Variants in TTC12 observed in about 807,000 individuals in gnomAD.
TTC12 encodes the protein tetratricopeptide repeat domain 12.
Under a neutral mutation model 90.1 loss-of-function variants are expected in TTC12, and 70 were observed. That is an observed-to-expected ratio of 0.78 (90% CI 0.64 to 0.95). TTC12 has a LOEUF of 0.95. Ranked by LOEUF, TTC12 falls within the 40% of genes least tolerant of loss-of-function variation. The pLI is 0.00. For missense variants in TTC12, 819 were observed against 846.1 expected (o/e 0.97, Z 0.40); for synonymous variants, 296 against 311.5 (o/e 0.95, Z 0.53).
Position 113,365,046 on chromosome 11 carries a change from C to A in TTC12, c.2028C>A (p.Cys676Ter). ...CAGGCATTGCTCTGGGGAAGCTGTG[C>A]ACAGCTGAGCCCAGGTATGCTGTGG... ...VNAGIALGKL[C>*]TAEPRFAAQL... is the part of the protein sequence containing the mutation. The change falls in exon 21 of 22, where the codon TGC becomes TGA. Residue 676 changes from cysteine (C) to a stop codon, truncating the protein, a stop_gained. Transcript: ENST00000529221. LOFTEE classifies it high-confidence loss of function. 6.2e-7 allele frequency: 1 copy of A among 1,613,926 alleles called. No individual in the cohort carries two copies. The highest frequency in any genetic ancestry group is 1.1e-5 in the South Asian group (1 of 91,066).
At chr11:113,342,068 C>A (rs1948717303) in intron 12 of TTC12, 143 bp downstream of exon 12, 2 of 710,370 alleles carry the variant, frequency 2.8e-6, no homozygotes, top group Non-Finnish European at 4.9e-6. Context: ...TCCAGGAAAG[C>A]TTATGGATCA....
At chr11:113,321,711 T>G (rs1555138570) in intron 2 of TTC12, among the ~76,000 whole-genome samples, 4 of 152,198 alleles carry the variant, frequency 2.6e-5, no homozygotes, top group South Asian at 4.1e-4. Flanking sequence ...AAAGGATGTT[T>G]GCAAACATGA....
intron 18 of TTC12, among the ~76,000 whole-genome samples, chr11:113,361,408 A>G (rs1030601455): frequency 2.0e-5 from 3 of 152,200 alleles, no homozygotes; most frequent in African/African-American, 7.2e-5. Flanking sequence ...GGTGGTAATT[A>G]ATGAGGCAGG....
At position 113,362,401 on chromosome 11, in the gene TTC12, AG is replaced by A; in HGVS notation, c.1616del (p.Arg539LysfsTer6). On this transcript the variant is annotated frameshift_variant and splice_region_variant, in exon 19 of 22. Coordinates refer to ENST00000529221, the MANE Select transcript of TTC12 (RefSeq NM_017868.4). LOFTEE classifies it high-confidence loss of function. The part of the protein sequence containing the change: ...LNSQDGGILT[R>X]AAGVLSRTLS... Reference sequence around the variant, plus strand: ...ATTATCCTCTTTCTGCTGTACTCAGAGAGCTGCTGGTGTTCTGAGCCGGACC... The same window carrying A: ...ATTATCCTCTTTCTGCTGTACTCAGAAGCTGCTGGTGTTCTGAGCCGGACC... 6.2e-7 allele frequency: 1 copy of A among 1,611,074 alleles called. No individual in the cohort carries two copies. Among genetic ancestry groups the A allele is most frequent in the Non-Finnish European group, 8.5e-7 (1 of 1,177,256 alleles).
intron 13 of TTC12, among the ~76,000 whole-genome samples, chr11:113,347,344 G>C (rs1471188264): frequency 6.6e-6 from 1 of 152,126 alleles, no homozygotes; most frequent in Non-Finnish European, 1.5e-5. Flanking sequence ...TGTCCTCTGC[G>C]TACCCCCATA....
chr11:113,339,214 A>G, intron 9 of TTC12, 72 bp from the exon 10 acceptor site: 1 of 1,324,946 alleles, frequency 7.5e-7, no homozygotes, highest in Non-Finnish European at 1.0e-6. Context: ...GAAAGGAAAA[A>G]AAAAGGTTGC....
Position 113,332,054 on chromosome 11 carries a change from A to T in TTC12, c.504+2075A>T, listed in dbSNP as rs543698104. Among the ~76,000 whole-genome samples the T allele has an allele frequency of 5.8e-4, 89 of 152,322 alleles. 1 individual carries two copies. The highest frequency in any genetic ancestry group is 2.0e-3 in the African/African-American group (85 of 41,568). On this transcript the variant is annotated intron_variant, in intron 7 of 21. Transcript: ENST00000529221. ...TTTCATGCCAATTTAATCTTTTTGG[A>T]CACTTTTAAATTGGTAGAGACAAGC...
At chr11:113,366,436 A>G, downstream of TTC12, 2 of 1,483,846 alleles carry the variant, frequency 1.3e-6, no homozygotes, top group Admixed American at 4.1e-5. Context: ...TCAGGTTTTC[A>G]CGGGTAACAA....
rs187595204 is a variant in TTC12 at position 113,345,151 on chromosome 11, C to G, written c.1154+711C>G. ...CATATGAAATTGCCACTTATTAGAT[C>G]TAAAAGGTTGCATGCCAGCCATTTT... On this transcript the variant is annotated intron_variant, in intron 13 of 21. Coordinates refer to ENST00000529221, the MANE Select transcript of TTC12 (RefSeq NM_017868.4). Among the ~76,000 whole-genome samples the G allele has an allele frequency of 5.2e-3, 787 of 152,252 alleles. 5 individuals are homozygous for G. Among genetic ancestry groups the G allele is most frequent in the Middle Eastern group, 0.014 (4 of 294 alleles).
intron 13 of TTC12, among the ~76,000 whole-genome samples, chr11:113,349,772 CCAGAGTCACATGG>C (rs1258936136): frequency 1.3e-5 from 2 of 152,276 alleles, no homozygotes; most frequent in Non-Finnish European, 1.5e-5. Flanking sequence ...CCTGACTGAG[CCAGAGTCACATGG>C]CAGAGTCACA....
chr11:113,323,586 T>C, intron 3 of TTC12, 135 bp downstream of exon 3: 1 of 590,100 alleles, frequency 1.7e-6, no homozygotes, highest in Non-Finnish European at 2.6e-6. Flanking sequence ...TATAAGAAAG[T>C]ATAAAATTTG....
rs141333229 is a variant in TTC12 at position 113,335,349 on chromosome 11, C to G, written c.576+312C>G. Among the ~76,000 whole-genome samples the G allele has an allele frequency of 2.1e-3, 314 of 152,284 alleles. 1 individual carries two copies. Among genetic ancestry groups the G allele is most frequent in the African/African-American group, 6.9e-3 (288 of 41,540 alleles). On this transcript the variant is annotated intron_variant, in intron 8 of 21. Transcript: ENST00000529221. ...ATCACCCAAAAGTAACCATGCAGAT[C>G]AGTCAACCTGTCTATCTACCTATTT... is the stretch of plus-strand genomic sequence containing the variant.
chr11:113,372,677 A>C (rs1053914404), intron 21 of TTC12, among the ~76,000 whole-genome samples: 9 of 152,300 alleles, frequency 5.9e-5, no homozygotes, highest in African/African-American at 2.2e-4. Context: ...CCCTCAAATT[A>C]TTTTTCTTTA....
In TTC12 at chr11:113,359,386, C is replaced by T; in HGVS notation, c.1470C>T (p.Asp490=). 6.2e-7 allele frequency: 1 copy of T among 1,610,948 alleles called. No individual in the cohort carries two copies. Among genetic ancestry groups the T allele is most frequent in the Non-Finnish European group, 8.5e-7 (1 of 1,177,688 alleles). ...AGGCCAGGTGTGAGGAGGATGTGGA[C>T]CTGTTCAGAGAGGTTATCTACACAC... ...SLLARCEEDV[D]LFREVIYTLL... Residue 490 remains aspartate, a synonymous_variant, in exon 17 of 22, where the codon GAC becomes GAT. Transcript: ENST00000529221.
intron 7 of TTC12, among the ~76,000 whole-genome samples, chr11:113,332,791 T>G (rs1948138267): frequency 6.6e-6 from 1 of 152,170 alleles, no homozygotes; most frequent in Admixed American, 6.5e-5. Context: ...AGAAGCCAAC[T>G]CTTCATCTTC....
chr11:113,319,189 T>C (rs1012007824), intron 2 of TTC12, among the ~76,000 whole-genome samples: 8 of 152,172 alleles, frequency 5.3e-5, no homozygotes, highest in Non-Finnish European at 1.2e-4. Flanking sequence ...CCCCAAATCC[T>C]GTAACTCCAG....
intron 3 of TTC12, among the ~76,000 whole-genome samples, chr11:113,323,655 T>C (rs1947495627): frequency 6.6e-6 from 1 of 152,180 alleles, no homozygotes; most frequent in African/African-American, 2.4e-5. Context: ...GGATCTATTT[T>C]AATGGAAATT....
At chr11:113,355,091 C>CT (rs1949546860) in intron 16 of TTC12, among the ~76,000 whole-genome samples, 1 of 152,020 alleles carries the variant, frequency 6.6e-6, no homozygotes, top group Admixed American at 6.6e-5. Context: ...TGGTCCTGGG[C>CT]TTTTTTTGAT....
downstream of TTC12, among the ~76,000 whole-genome samples, chr11:113,367,432 A>G (rs1276694875): frequency 2.0e-5 from 3 of 152,224 alleles, no homozygotes. Context: ...TGGGAATTAT[A>G]AAGTACTACG....
Sources: allele counts gnomAD v4.1 joint callset (sites outside exome capture counted in the v4.1 genomes callset), GRCh38; gene constraint gnomAD v4.1.1; transcripts MANE v1.5; gene names NCBI Gene and HGNC (gene_info 2026-07-23, HGNC 2026-07-21).